The following HSD17B13 variants were observed in gnomAD, a reference collection of about 807,000 sequenced individuals.
HSD17B13 encodes the protein hydroxysteroid 17-beta dehydrogenase 13.
Under a neutral mutation model 31.1 loss-of-function variants are expected in HSD17B13, and 26 were observed. That is an observed-to-expected ratio of 0.84 (90% confidence interval 0.61 to 1.16). The LOEUF (loss-of-function observed/expected upper bound fraction) is 1.16, where lower values mean the gene tolerates loss of function less well. HSD17B13 is among the 50% of genes most tolerant of loss of function. HSD17B13 has a pLI of 0.00. For synonymous variants in HSD17B13, 141 were observed against 133.7 expected (o/e 1.05, Z -0.38); for missense variants, 374 against 366.5 (o/e 1.02, Z -0.17).
intron 6 of HSD17B13, among the ~76,000 whole-genome samples, chr4:87,308,302 C>T (rs1734436825): frequency 6.6e-6 from 1 of 151,338 alleles, no homozygotes; most frequent in Non-Finnish European, 1.5e-5. Context: ...CTGCTTGAGG[C>T]CAGGCATTCA....
Position 87,305,152 on chromosome 4 carries a change from T to G in HSD17B13, c.*66A>C. 2 of 1,025,834 alleles carry G rather than the reference T, an allele frequency of 1.9e-6. No individual in the cohort carries two copies. The highest frequency in any genetic ancestry group is 2.4e-5 in the Admixed American group (1 of 41,394). 63.5% of individuals were successfully genotyped at this position (1,025,834 alleles called of 1,614,324 possible). ...ACTGAAAAAATGTGAAATAAAGCTTTGCAGCATTGATTCGAAACTATTCAT... is the reference window on the plus strand; with the variant it reads ...ACTGAAAAAATGTGAAATAAAGCTTGGCAGCATTGATTCGAAACTATTCAT... On this transcript the variant is annotated 3_prime_UTR_variant, in exon 7 of 7. Coordinates refer to ENST00000328546, the MANE Select transcript of HSD17B13 (RefSeq NM_178135.5).
rs753122915 is a variant in HSD17B13, at chr4:87,322,698, T to G, written c.144A>C (p.Ile48=). 6.2e-7 allele frequency: 1 copy of G among 1,614,082 alleles called. No individual in the cohort carries two copies. Among genetic ancestry groups the G allele is most frequent in the East Asian group, 2.2e-5 (1 of 44,896 alleles). ...IVLITGAGHG[I]GRQTTYEFAK... Reference sequence around the variant, plus strand: ...CAAATTCATAAGTAGTCTGCCTGCCTATTCCATGCCCAGCTCCAGTAATGA... The same window carrying G: ...CAAATTCATAAGTAGTCTGCCTGCCGATTCCATGCCCAGCTCCAGTAATGA... The change falls in exon 1 of 7, where the codon ATA becomes ATC. Residue 48 remains isoleucine (I), a synonymous_variant. Coordinates refer to ENST00000328546, the MANE Select transcript of HSD17B13 (RefSeq NM_178135.5).
chr4:87,312,656 C>T (rs909527147), intron 5 of HSD17B13, among the ~76,000 whole-genome samples: 5 of 150,662 alleles, frequency 3.3e-5, no homozygotes, highest in Non-Finnish European at 7.4e-5. Flanking sequence ...CAGCCTCCCG[C>T]GCAGCTGGGA....
intron 6 of HSD17B13, among the ~76,000 whole-genome samples, chr4:87,309,975 C>T (rs1194790085): frequency 6.6e-6 from 1 of 152,016 alleles, no homozygotes; most frequent in Non-Finnish European, 1.5e-5. Context: ...GCCTGGCCAA[C>T]ATGGGGAAAC....
chr4:87,309,335 G>A lies in HSD17B13; in HGVS notation c.812+908C>T, dbSNP rs796182817. Among the ~76,000 whole-genome samples, 19 of 122,112 alleles carry A rather than the reference G, an allele frequency of 1.6e-4. 1 individual carries two copies. The South Asian group carries it at 5.0e-3, about 32-fold the overall frequency. The allele number at this position is 122,112 out of a possible 152,430, so 80.1% of individuals were successfully genotyped here. The stretch of plus-strand genomic sequence containing the variant: ...GGAGGCAGAAGCTGCAGTGAGCCAA[G>A]ATCACGCCACTGCACTCCAGCCTGG... On this transcript the variant is annotated intron_variant, in intron 6 of 6. Transcript: ENST00000328546.
intron 6 of HSD17B13, among the ~76,000 whole-genome samples, chr4:87,306,386 C>T (rs916228430): frequency 6.6e-6 from 1 of 152,148 alleles, no homozygotes; most frequent in African/African-American, 2.4e-5. Flanking sequence ...ATCTATTATG[C>T]ACTCTATAAT....
intron 5 of HSD17B13, among the ~76,000 whole-genome samples, chr4:87,312,883 A>C (rs1041377146): frequency 6.6e-6 from 1 of 151,572 alleles, no homozygotes; most frequent in Admixed American, 6.6e-5. Flanking sequence ...AACATGGTGA[A>C]ACCCCGTCTC....
chr4:87,318,166 A>G (rs999356941), intron 2 of HSD17B13, among the ~76,000 whole-genome samples, 163 bp downstream of exon 2: 9 of 152,226 alleles, frequency 5.9e-5, no homozygotes, highest in Non-Finnish European at 1.0e-4. Context: ...AGTGGATTAC[A>G]TACAAGAAAA....
rs1230545224 is a variant in HSD17B13, at chr4:87,313,884, T to C, written c.634A>G (p.Lys212Glu). Residue 212 changes from lysine to glutamate, a missense_variant, in exon 5 of 7, where the codon AAA (lysine) becomes GAA (glutamate). Lys to Glu is a moderately conservative substitution (Grantham distance 56). Transcript: ENST00000328546. ...AAAACTGGGCAGAGACATGAGGTTT[T>C]GATACCAGTTTTTCCCAAGGCCTGA... Reference protein sequence around the residue: ...ELQALGKTGIKTSCLCPVFVN... With the variant: ...ELQALGKTGIETSCLCPVFVN... 1 of 1,611,410 alleles carries C rather than the reference T, an allele frequency of 6.2e-7. No homozygotes were observed. The highest frequency in any genetic ancestry group is 1.7e-5 in the Admixed American group (1 of 59,556).
Position 87,303,880 on chromosome 4 carries a change from T to TA in HSD17B13, c.*1337_*1338insT, listed in dbSNP as rs1560743901. Reference sequence around the variant, plus strand: ...ATATTTATTTTTAGTGAATTGTTTTTGTGACTTTTAAAAAAATCATTTGTT... The same window carrying TA: ...ATATTTATTTTTAGTGAATTGTTTTTAGTGACTTTTAAAAAAATCATTTGTT... On this transcript the variant is annotated 3_prime_UTR_variant, in exon 7 of 7. Coordinates refer to ENST00000328546, the MANE Select transcript of HSD17B13 (RefSeq NM_178135.5). 3 of 151,784 alleles carry TA rather than the reference T, an allele frequency of 2.0e-5. No individual in the cohort carries two copies. Among genetic ancestry groups the TA allele is most frequent in the African/African-American group, 7.3e-5 (3 of 41,358 alleles). 9.4% of individuals were successfully genotyped at this position (151,784 alleles called of 1,614,324 possible).
chr4:87,309,218 A>G (rs772241204), intron 6 of HSD17B13, among the ~76,000 whole-genome samples: 2 of 151,712 alleles, frequency 1.3e-5, no homozygotes, highest in Non-Finnish European at 1.5e-5. Flanking sequence ...CCCTGTCTCT[A>G]CTACAAACAC....
intron 5 of HSD17B13, among the ~76,000 whole-genome samples, 156 bp from the exon 6 acceptor site, chr4:87,310,515 T>G (rs1378158352): frequency 6.6e-6 from 1 of 151,998 alleles, no homozygotes; most frequent in African/African-American, 2.4e-5. Flanking sequence ...CCTACCCACT[T>G]CCTCCACATC....
At chr4:87,307,113 G>A (rs1364921259) in intron 6 of HSD17B13, among the ~76,000 whole-genome samples, 1 of 151,912 alleles carries the variant, frequency 6.6e-6, no homozygotes, top group Non-Finnish European at 1.5e-5. Context: ...AGAAGGACAA[G>A]GATAAGAAGA....
intron 6 of HSD17B13, among the ~76,000 whole-genome samples, chr4:87,308,946 C>T (rs1044664129): frequency 1.2e-5 from 1 of 84,152 alleles, no homozygotes; most frequent in African/African-American, 4.6e-5. Flanking sequence ...AAAAAAAAAG[C>T]TTATCGAGTT....
chr4:87,319,692 A>T (rs985654681), intron 1 of HSD17B13, among the ~76,000 whole-genome samples: 20 of 152,222 alleles, frequency 1.3e-4, no homozygotes, highest in African/African-American at 4.6e-4. Context: ...ACTCTAGGAG[A>T]TATAACATTA....
intron 6 of HSD17B13, among the ~76,000 whole-genome samples, chr4:87,309,139 T>C (rs1428574684): frequency 6.6e-6 from 1 of 151,906 alleles, no homozygotes; most frequent in Non-Finnish European, 1.5e-5. Flanking sequence ...TCCCAGCACT[T>C]TGGGAGGCTG....
At chr4:87,318,566 G>A in intron 1 of HSD17B13, 130 bp from the exon 2 acceptor site, 2 of 664,744 alleles carry the variant, frequency 3.0e-6, no homozygotes, top group Non-Finnish European at 5.4e-6. Context: ...TTGGTTGGCC[G>A]AGGAGGGCGG....
At chr4:87,309,198 C>G (rs575159065) in intron 6 of HSD17B13, among the ~76,000 whole-genome samples, 2 of 151,512 alleles carry the variant, frequency 1.3e-5, no homozygotes, top group Non-Finnish European at 2.9e-5. Flanking sequence ...GCCTGGCCAA[C>G]ATGGTGAAAC....
At chr4:87,320,403 T>TC (rs1734756037) in intron 1 of HSD17B13, among the ~76,000 whole-genome samples, 1 of 142,850 alleles carries the variant, frequency 7.0e-6, no homozygotes, top group African/African-American at 2.9e-5. Context: ...TTTTTTTTTT[T>TC]TGAGACGGAG....
Sources: allele counts gnomAD v4.1 joint callset (sites outside exome capture counted in the v4.1 genomes callset), GRCh38; gene constraint gnomAD v4.1.1; transcripts MANE v1.5; gene names NCBI Gene and HGNC (gene_info 2026-07-23, HGNC 2026-07-21).